DCLK1: variants seen among roughly 807,000 people sequenced by gnomAD.
DCLK1 encodes the protein serine/threonine-protein kinase DCLK1.
In DCLK1, 16 loss-of-function variants were observed where a neutral mutation model predicts 86.2. The observed-to-expected ratio is 0.19, with a 90% confidence interval of 0.13 to 0.28. The LOEUF is 0.28. Ranked by LOEUF, DCLK1 falls within the 10% of genes least tolerant of loss-of-function variation. The pLI, the probability that DCLK1 is intolerant of heterozygous loss-of-function variation, is 1.00. For synonymous variants in DCLK1, 369 were observed against 370.5 expected (o/e 1.00, Z 0.05); for missense variants, 590 against 940.2 (o/e 0.63, Z 4.87).
At chr13:35,825,554 CA>C (rs1418243542) in intron 10 of DCLK1, among the ~76,000 whole-genome samples, 1 of 152,064 alleles carries the variant, frequency 6.6e-6, no homozygotes, top group East Asian at 1.9e-4. Context: ...CTTGAAATTT[CA>C]TTTAGTCTCA....
At chr13:35,809,886 AAAAAC>A (rs1307220236) in intron 12 of DCLK1, among the ~76,000 whole-genome samples, 1 of 152,332 alleles carries the variant, frequency 6.6e-6, no homozygotes, top group South Asian at 2.1e-4. Context: ...GGTACAAGCA[AAAAAC>A]AAAACAAAAC....
intron 8 of DCLK1, among the ~76,000 whole-genome samples, chr13:35,828,716 C>T (rs1415457444): frequency 6.6e-6 from 1 of 152,102 alleles, no homozygotes; most frequent in Non-Finnish European, 1.5e-5. Context: ...TTAGCTTCTC[C>T]TGCTGCCAGG....
intron 3 of DCLK1, among the ~76,000 whole-genome samples, chr13:35,996,612 C>T (rs1880489611): frequency 6.6e-6 from 1 of 152,264 alleles, no homozygotes; most frequent in East Asian, 1.9e-4. Flanking sequence ...AACATCAGCT[C>T]TTCCTGAGTC....
At chr13:35,921,834 A>C (rs1434416510) in intron 4 of DCLK1, among the ~76,000 whole-genome samples, 1 of 152,192 alleles carries the variant, frequency 6.6e-6, no homozygotes. Context: ...AGGTGGGGAA[A>C]AGACCAGGTG....
At position 36,081,729 on chromosome 13, in the gene DCLK1, G is replaced by A. The variant is rs956035908; in HGVS notation, c.723+30140C>T. Among the ~76,000 whole-genome samples, 4 of 152,242 alleles carry A rather than the reference G, an allele frequency of 2.6e-5. No homozygotes were observed. The East Asian group carries it at 7.7e-4, about 29-fold the overall frequency. On this transcript the variant is annotated intron_variant, in intron 3 of 16. Coordinates refer to ENST00000360631, the MANE Select transcript of DCLK1 (RefSeq NM_001330071.2). ...TTATAAAGGATTGCATCAAACCATT[G>A]CTTGAATATGCTCTCTAACTTCTTC...
At chr13:35,994,358 G>C (rs1880381969) in intron 3 of DCLK1, among the ~76,000 whole-genome samples, 1 of 152,162 alleles carries the variant, frequency 6.6e-6, no homozygotes, top group Non-Finnish European at 1.5e-5. Context: ...TTTTCTAGCT[G>C]TAAGCTTCCA....
At chr13:36,001,163 G>A (rs1322922910) in intron 3 of DCLK1, among the ~76,000 whole-genome samples, 3 of 152,068 alleles carry the variant, frequency 2.0e-5, no homozygotes, top group African/African-American at 4.8e-5. Context: ...GGTCAGGCTG[G>A]TCTTGATCTC....
intron 1 of DCLK1, among the ~76,000 whole-genome samples, chr13:36,129,296 A>C (rs1270545993): frequency 2.0e-5 from 3 of 152,246 alleles, no homozygotes; most frequent in Non-Finnish European, 4.4e-5. Context: ...ACACCAGATG[A>C]AAAAAGAAGA....
intron 4 of DCLK1, among the ~76,000 whole-genome samples, chr13:35,933,939 T>C (rs1167845904): frequency 6.6e-6 from 1 of 152,230 alleles, no homozygotes; most frequent in Non-Finnish European, 1.5e-5. Flanking sequence ...TTTTTCAAAC[T>C]TTTATGCTCT....
chr13:36,072,767 A>T (rs1884025034), intron 3 of DCLK1, among the ~76,000 whole-genome samples: 1 of 152,192 alleles, frequency 6.6e-6, no homozygotes, highest in South Asian at 2.1e-4. Flanking sequence ...CAGCAGCCCT[A>T]CCTTGTTAAA....
intron 3 of DCLK1, among the ~76,000 whole-genome samples, chr13:36,071,728 A>C (rs1319333380): frequency 6.6e-6 from 1 of 152,214 alleles, no homozygotes; most frequent in East Asian, 1.9e-4. Flanking sequence ...GAATTTTCCC[A>C]GTTCACACAG....
intron 4 of DCLK1, among the ~76,000 whole-genome samples, chr13:35,887,878 C>CAAAA (rs760195385): frequency 0.046 from 1,793 of 38,836 alleles, 317 homozygotes; most frequent in Non-Finnish European, 0.061. Flanking sequence ...GATCTTGTCT[C>CAAAA]AAAAAAAAAA....
intron 4 of DCLK1, among the ~76,000 whole-genome samples, chr13:35,934,195 G>A (rs550912363): frequency 2.0e-4 from 30 of 152,152 alleles, no homozygotes; most frequent in African/African-American, 7.0e-4. Context: ...TGTCCATATC[G>A]CTATCACCAA....
chr13:35,812,045 A>G (rs1233455283), intron 11 of DCLK1, among the ~76,000 whole-genome samples: 2 of 152,292 alleles, frequency 1.3e-5, no homozygotes, highest in Admixed American at 6.5e-5. Flanking sequence ...CATCCTGTCC[A>G]GGTTTCCCTT....
At chr13:35,853,569 G>A (rs1239889857) in intron 6 of DCLK1, among the ~76,000 whole-genome samples, 1 of 152,202 alleles carries the variant, frequency 6.6e-6, no homozygotes, top group Non-Finnish European at 1.5e-5. Context: ...CATCCTGGAT[G>A]ACACGTAATT....
At chr13:36,013,486 T>A (rs376187707) in intron 3 of DCLK1, among the ~76,000 whole-genome samples, 1 of 152,036 alleles carries the variant, frequency 6.6e-6, no homozygotes, top group Non-Finnish European at 1.5e-5. Context: ...AATACTCTGC[T>A]GTGTGAGGTG....
intron 10 of DCLK1, among the ~76,000 whole-genome samples, chr13:35,825,250 T>C (rs1290745135): frequency 6.6e-6 from 1 of 152,142 alleles, no homozygotes; most frequent in Non-Finnish European, 1.5e-5. Flanking sequence ...CTGGGAGTCT[T>C]TCAAGTCAAG....
chr13:36,078,276 T>C (rs1306843164), intron 3 of DCLK1, among the ~76,000 whole-genome samples: 2 of 152,192 alleles, frequency 1.3e-5, no homozygotes, highest in African/African-American at 4.8e-5. Context: ...GTTTGCTGTT[T>C]AAGCCACCCA....
chr13:35,844,775 C>T (rs1425258366), intron 6 of DCLK1, among the ~76,000 whole-genome samples: 1 of 152,118 alleles, frequency 6.6e-6, no homozygotes, highest in Non-Finnish European at 1.5e-5. Flanking sequence ...AACATTCCTT[C>T]CAATGATTAT....
Sources: allele counts gnomAD v4.1 joint callset (sites outside exome capture counted in the v4.1 genomes callset), GRCh38; gene constraint gnomAD v4.1.1; transcripts MANE v1.5; gene names NCBI Gene and HGNC (gene_info 2026-07-23, HGNC 2026-07-21).